The following MAPK10 variants were observed in gnomAD, a reference collection of about 807,000 sequenced individuals.
MAPK10 encodes the protein mitogen-activated protein kinase 10.
In MAPK10, 25 loss-of-function variants were observed where a neutral mutation model predicts 59.3. That is an observed-to-expected ratio of 0.42 (90% confidence interval 0.31 to 0.59). The LOEUF is 0.59. Ranked by LOEUF, MAPK10 falls within the 20% of genes least tolerant of loss-of-function variation. The pLI is 0.15. For synonymous variants in MAPK10, 190 were observed against 200.5 expected (o/e 0.95, Z 0.44); for missense variants, 351 against 568.9 (o/e 0.62, Z 3.90).
chr4:86,525,948 C>T (rs560568344), intron 1 of MAPK10, among the ~76,000 whole-genome samples: 41 of 152,232 alleles, frequency 2.7e-4, no homozygotes, highest in African/African-American at 9.1e-4. Flanking sequence ...TACTGTATGG[C>T]AATAGCTTTC....
intron 2 of MAPK10, among the ~76,000 whole-genome samples, chr4:86,213,889 A>T (rs1269605586): frequency 6.6e-6 from 1 of 152,078 alleles, no homozygotes; most frequent in Admixed American, 6.6e-5. Context: ...CACTGCCCTG[A>T]AACAAAAGCC....
At chr4:86,209,939 T>C (rs1298774457) in intron 2 of MAPK10, among the ~76,000 whole-genome samples, 3 of 151,858 alleles carry the variant, frequency 2.0e-5, no homozygotes, top group African/African-American at 7.3e-5. Flanking sequence ...CACAGACCAA[T>C]GGAACAAAAG....
At chr4:86,136,995 T>C (rs1293547212) in intron 4 of MAPK10, among the ~76,000 whole-genome samples, 3 of 152,078 alleles carry the variant, frequency 2.0e-5, no homozygotes, top group Admixed American at 6.5e-5. Flanking sequence ...CTATCCTAAA[T>C]ATATATGCAC....
chr4:86,457,317 C>T (rs1751324231), upstream of MAPK10, among the ~76,000 whole-genome samples: 1 of 152,100 alleles, frequency 6.6e-6, no homozygotes, highest in African/African-American at 2.4e-5. Context: ...AGCAACCAGA[C>T]AAGAGAAAGA....
At chr4:86,217,810 TTATA>T (rs138137476) in intron 2 of MAPK10, among the ~76,000 whole-genome samples, 43 of 152,004 alleles carry the variant, frequency 2.8e-4, no homozygotes, top group African/African-American at 1.0e-3. Context: ...ATATATATGC[TTATA>T]TATATAATTT....
rs72868844 is a variant in MAPK10, at chr4:86,433,037, G to A, written c.-122+19993C>T. Among the ~76,000 whole-genome samples, 200 of 152,276 alleles carry A rather than the reference G, an allele frequency of 1.3e-3. 1 individual carries two copies. The highest frequency in any genetic ancestry group is 4.6e-3 in the African/African-American group (193 of 41,562). On this transcript the variant is annotated intron_variant, in intron 1 of 13. Coordinates refer to the MAPK10 transcript ENST00000361569. The stretch of plus-strand genomic sequence containing the variant: ...GGTCTCAGGATCAACTGTAGCAACA[G>A]GGGCTGTAGTTTGTCCCACTAACCC...
At chr4:86,372,564 G>GAAAGAAAAAGAAAAGAAAAGAAAAGA (rs1554253766) in intron 1 of MAPK10, among the ~76,000 whole-genome samples, 1 of 78,688 alleles carries the variant, frequency 1.3e-5, no homozygotes, top group Non-Finnish European at 2.8e-5. Flanking sequence ...AAGAAAGAAA[G>GAAAGAAAAAGAAAAGAAAAGAAAAGA]AAAGAAAAGA....
chr4:86,291,007 G>C (rs1174593517), intron 2 of MAPK10, among the ~76,000 whole-genome samples: 2 of 152,114 alleles, frequency 1.3e-5, no homozygotes, highest in Admixed American at 1.3e-4. Flanking sequence ...ACTCAGTCTG[G>C]TGGTGACTGA....
chr4:86,220,977 T>C (rs770753836), intron 2 of MAPK10, among the ~76,000 whole-genome samples: 1 of 151,936 alleles, frequency 6.6e-6, no homozygotes, highest in African/African-American at 2.4e-5. Flanking sequence ...TGTATCATTT[T>C]CCTCTCCAAT....
intron 2 of MAPK10, among the ~76,000 whole-genome samples, chr4:86,197,887 T>G (rs921646863): frequency 6.6e-6 from 1 of 152,160 alleles, no homozygotes; most frequent in Non-Finnish European, 1.5e-5. Context: ...AAAAATATGT[T>G]GCATTGATGT....
At chr4:86,068,713 A>C (rs560960793) in intron 9 of MAPK10, among the ~76,000 whole-genome samples, 43 of 152,302 alleles carry the variant, frequency 2.8e-4, no homozygotes, top group Non-Finnish European at 5.4e-4. Context: ...GGGGAATACC[A>C]CAGAAAAAAT....
Position 86,010,837 on chromosome 4 carries a change from A to G in MAPK10, c.*6391T>C, listed in dbSNP as rs543765574. ...AGGGAATATGTGAGGGGTTTTTAAG[A>G]TGGATAACATTTTGTACCTGCTTTT... On this transcript the variant is annotated 3_prime_UTR_variant, in exon 14 of 14. Coordinates refer to ENST00000641462, the MANE Select transcript of MAPK10 (RefSeq NM_138982.4). The G allele has an allele frequency of 1.3e-5, 2 of 152,298 alleles. No homozygotes were observed. Among genetic ancestry groups the G allele is most frequent in the East Asian group, 3.9e-4 (2 of 5,188 alleles). 9.4% of individuals were successfully genotyped at this position (152,298 alleles called of 1,614,324 possible).
At chr4:86,300,786 C>T (rs543739242) in intron 2 of MAPK10, 4 of 151,602 alleles carry the variant, frequency 2.6e-5, no homozygotes, top group South Asian at 2.1e-4. Context: ...AACTATGTAC[C>T]GATAAGTTCA....
chr4:86,341,363 T>C (rs970671615), intron 2 of MAPK10, among the ~76,000 whole-genome samples: 4 of 152,176 alleles, frequency 2.6e-5, no homozygotes, highest in African/African-American at 9.7e-5. Flanking sequence ...TGGGAAGGTA[T>C]TTTTAGAAGT....
intron 4 of MAPK10, among the ~76,000 whole-genome samples, chr4:86,146,645 A>G (rs1240197315): frequency 6.6e-6 from 1 of 152,248 alleles, no homozygotes; most frequent in Non-Finnish European, 1.5e-5. Context: ...CTTACACGTT[A>G]CAAGATGAAT....
At chr4:86,560,154 A>T (rs1760564175) in intron 1 of MAPK10, among the ~76,000 whole-genome samples, 2 of 152,242 alleles carry the variant, frequency 1.3e-5, no homozygotes, top group African/African-American at 2.4e-5. Flanking sequence ...TAAAGTTGTT[A>T]AATTTTACAC....
intron 1 of MAPK10, among the ~76,000 whole-genome samples, chr4:86,459,939 A>C (rs1317889043): frequency 6.6e-6 from 1 of 152,174 alleles, no homozygotes; most frequent in East Asian, 1.9e-4. Flanking sequence ...TTAAAAAATA[A>C]ACTTCTAAGA....
At chr4:86,165,588 A>T (rs1293671308) in intron 3 of MAPK10, among the ~76,000 whole-genome samples, 1 of 89,600 alleles carries the variant, frequency 1.1e-5, no homozygotes, top group Non-Finnish European at 2.0e-5. Context: ...TTTTTTAGAG[A>T]TGAGGTCTCA....
chr4:86,319,231 G>A (rs999728878), intron 2 of MAPK10, among the ~76,000 whole-genome samples: 6 of 152,084 alleles, frequency 3.9e-5, no homozygotes, highest in African/African-American at 1.4e-4. Flanking sequence ...ATGGGAAGTA[G>A]GCAGGCAAAT....
Sources: gnomAD v4.1 joint callset for allele counts (sites outside exome capture counted in the v4.1 genomes callset) on GRCh38, gnomAD v4.1.1 for gene constraint, MANE v1.5 for transcripts, NCBI Gene and HGNC (gene_info 2026-07-23, HGNC 2026-07-21) for gene names.